Variants in CFAP46 observed in about 807,000 individuals in gnomAD.
The protein encoded by CFAP46 is cilia- and flagella-associated protein 46.
Under a neutral mutation model 325.7 loss-of-function variants are expected in CFAP46, and 245 were observed. The observed-to-expected ratio is 0.75, with a 90% CI of 0.68 to 0.84. CFAP46 has a LOEUF of 0.84. CFAP46 is among the 40% of genes least tolerant of loss of function. The pLI is 0.00. For synonymous variants in CFAP46, 1,523 were observed against 1,495.9 expected (o/e 1.02, Z -0.42); for missense variants, 3,346 against 3,543.0 (o/e 0.94, Z 1.41).
At chr10:132,893,104 A>G (rs189112333) in intron 24 of CFAP46, among the ~76,000 whole-genome samples, 1 of 152,366 alleles carries the variant, frequency 6.6e-6, no homozygotes, top group East Asian at 1.9e-4. Flanking sequence ...ACTGAGAGGC[A>G]AAATGGCGGA....
At chr10:132,839,265 AG>A (rs1848313603) in intron 44 of CFAP46, among the ~76,000 whole-genome samples, 1 of 152,212 alleles carries the variant, frequency 6.6e-6, no homozygotes, top group Non-Finnish European at 1.5e-5. Context: ...CCGTGGCCAC[AG>A]GGGGGTGGCG....
chr10:132,925,842 G>C (rs1051633969), intron 10 of CFAP46, among the ~76,000 whole-genome samples: 2 of 152,168 alleles, frequency 1.3e-5, no homozygotes, highest in Admixed American at 6.5e-5. Context: ...CCCCTGCCAC[G>C]GCACCTCTGG....
In CFAP46 at chr10:132,887,428, CTT is replaced by C. The variant is rs138986724; in HGVS notation, c.3305-1471_3305-1470del. On this transcript the variant is annotated intron_variant, in intron 25 of 57. Coordinates refer to ENST00000368586, the MANE Select transcript of CFAP46 (RefSeq NM_001200049.3). ...TCTCTCCTCTCCTCTCTCCTCCCCT[CTT>C]CTTTCCTCTCCCCTCTTCTCTCTCC... 2.1e-4 allele frequency among the ~76,000 whole-genome samples: 21 copies of C among 97,930 alleles called. 1 individual carries two copies. Among genetic ancestry groups the C allele is most frequent in the African/African-American group, 9.9e-4 (15 of 15,110 alleles). 64.2% of individuals were successfully genotyped at this position (97,930 alleles called of 152,430 possible).
chr10:132,897,821 G>A (rs1052142087), intron 24 of CFAP46, among the ~76,000 whole-genome samples: 26 of 152,362 alleles, frequency 1.7e-4, no homozygotes, highest in Admixed American at 2.6e-4. Context: ...GCAGTCCCCC[G>A]GAGGAGGCCA....
intron 22 of CFAP46, among the ~76,000 whole-genome samples, chr10:132,906,889 C>G (rs533940632): frequency 6.6e-6 from 1 of 151,600 alleles, no homozygotes; most frequent in Admixed American, 6.5e-5. Flanking sequence ...GGTCCTGGCG[C>G]GTGATGCCCC....
intron 50 of CFAP46, among the ~76,000 whole-genome samples, chr10:132,831,113 T>G (rs1848139924): frequency 1.3e-5 from 2 of 152,188 alleles, no homozygotes; most frequent in South Asian, 4.1e-4. Context: ...ATTAAGTTCT[T>G]ATTTAACTCC....
Position 132,899,521 on chromosome 10 carries a change from T to TC in CFAP46, c.3056+13_3056+14insG, listed in dbSNP as rs147677618. On this transcript the variant is annotated intron_variant, in intron 23 of 57. Coordinates refer to ENST00000368586, the MANE Select transcript of CFAP46 (RefSeq NM_001200049.3). ...GAGGGACAGAGCCCACCCCAGCCCC[T>TC]TAGAGCCACACACCTGGCGCTCTCC... 719 of 1,541,756 alleles carry TC rather than the reference T, an allele frequency of 4.7e-4. 5 individuals are homozygous for TC. In the African/African-American group the frequency reaches 9.0e-3, roughly 19 times the overall value.
chr10:132,919,328 CAA>C lies in CFAP46; in HGVS notation c.1843_1844del (p.Leu615GlufsTer11). 6.5e-7 allele frequency: 1 copy of C among 1,550,078 alleles called. No individual in the cohort carries two copies. Among genetic ancestry groups the C allele is most frequent in the Non-Finnish European group, 8.7e-7 (1 of 1,146,828 alleles). On this transcript the variant is annotated frameshift_variant, in exon 15 of 58. Coordinates refer to ENST00000368586, the MANE Select transcript of CFAP46 (RefSeq NM_001200049.3). LOFTEE classifies it high-confidence loss of function. The surrounding 1 kb of genome is among the most constrained non-coding windows in gnomAD (Gnocchi z 9.7). ...LLYDNVKVKKLRLRRGKKKRG... is the reference protein window; with the variant it reads ...LLYDNVKVKKXRLRRGKKKRG... ...GCGGGTACGAACCTCGCCGCAGCCT[CAA>C]CTTCTTCACCTTGACGTTGTCATAC...
At chr10:132,922,329 C>T (rs1428006825) in intron 12 of CFAP46, 105 bp from the exon 13 acceptor site, 5 of 1,476,392 alleles carry the variant, frequency 3.4e-6, no homozygotes, top group East Asian at 2.5e-5. Flanking sequence ...GTGTGGTCCT[C>T]GTGCTCATAG....
intron 44 of CFAP46, among the ~76,000 whole-genome samples, chr10:132,844,109 C>T (rs1317520875): frequency 9.0e-5 from 11 of 121,812 alleles, no homozygotes; most frequent in East Asian, 2.5e-4. Flanking sequence ...GTGGGTGTTC[C>T]CAGGGTGCTG....
chr10:132,903,517 G>A (rs987368106), intron 22 of CFAP46, among the ~76,000 whole-genome samples: 2 of 152,258 alleles, frequency 1.3e-5, no homozygotes, highest in African/African-American at 4.8e-5. Flanking sequence ...CCAGGCTGCA[G>A]CATGTGAAGC....
intron 41 of CFAP46, among the ~76,000 whole-genome samples, chr10:132,849,355 G>A (rs937002153): frequency 4.6e-5 from 7 of 152,250 alleles, no homozygotes; most frequent in Non-Finnish European, 8.8e-5. Context: ...TTTCAGGGCC[G>A]ACCCAGGGCT....
chr10:132,917,625 A>C (rs1209792435), intron 16 of CFAP46, among the ~76,000 whole-genome samples: 5 of 152,224 alleles, frequency 3.3e-5, no homozygotes, highest in Non-Finnish European at 5.9e-5. Context: ...CACCACTCAG[A>C]AATGATTCCC....
rs1401021732 is a variant in CFAP46, at chr10:132,821,929, CTGA to C, written c.7118-7018_7118-7016del. Among the ~76,000 whole-genome samples the C allele has an allele frequency of 4.0e-4, 47 of 118,182 alleles. 1 individual carries two copies. Among genetic ancestry groups the C allele is most frequent in the South Asian group, 6.4e-4 (2 of 3,148 alleles). 77.5% of individuals were successfully genotyped at this position (118,182 alleles called of 152,430 possible). ...AGTGCTGATGTGTGCTGTGTGTGCGCTGATGTGTGCTGTGTGTGCGCTTGTGTG... is the reference window on the plus strand; with the variant it reads ...AGTGCTGATGTGTGCTGTGTGTGCGCTGTGTGCTGTGTGTGCGCTTGTGTG... On this transcript the variant is annotated intron_variant, in intron 50 of 57. Coordinates refer to ENST00000368586, the MANE Select transcript of CFAP46 (RefSeq NM_001200049.3).
At chr10:132,881,121 A>G (rs1849036587) in intron 27 of CFAP46, 89 bp from the exon 28 acceptor site, 1 of 1,265,566 alleles carries the variant, frequency 7.9e-7, no homozygotes, top group Non-Finnish European at 1.1e-6. Context: ...CTCATTTTCT[A>G]CAAGAAAAGC....
At chr10:132,814,513 T>C in intron 53 of CFAP46, 64 bp downstream of exon 53, 1 of 1,541,792 alleles carries the variant, frequency 6.5e-7, no homozygotes, top group African/African-American at 1.4e-5. Flanking sequence ...TGCCCACAAC[T>C]GCAGGACGGC....
At chr10:132,905,035 G>A (rs7074135) in intron 22 of CFAP46, among the ~76,000 whole-genome samples, 3,947 of 152,198 alleles carry the variant, frequency 0.026, 109 homozygotes, top group African/African-American at 0.07. Flanking sequence ...TCACCTTCCC[G>A]GTGAGGACCA....
Position 132,866,139 on chromosome 10 carries a change from G to T in CFAP46, c.4776C>A (p.Asp1592Glu). Reference sequence around the variant, plus strand: ...GGTGGGGAAAGGACGTCCCATCCAGGTCCCTCCCGGTCTCCCCATTCATCT... The same window carrying T: ...GGTGGGGAAAGGACGTCCCATCCAGTTCCCTCCCGGTCTCCCCATTCATCT... ...ILKMNGETGR[D>E]LDGTSFPHLW... is the part of the protein sequence containing the mutation. The change falls in exon 35 of 58, where the codon GAC (aspartate) becomes GAA (glutamate). Residue 1592 changes from aspartate (D) to glutamate (E), a missense_variant. Asp to Glu is a conservative substitution (Grantham distance 45). Transcript: ENST00000368586. The T allele has an allele frequency of 3.3e-6, 5 of 1,537,112 alleles. No individual in the cohort carries two copies. The highest frequency in any genetic ancestry group is 3.5e-6 in the Non-Finnish European group (4 of 1,141,246).
chr10:132,859,926 A>G lies in CFAP46; in HGVS notation c.5198+491T>C, dbSNP rs187664126. Among the ~76,000 whole-genome samples, 1,406 of 152,316 alleles carry G rather than the reference A, an allele frequency of 9.2e-3. 12 individuals are homozygous for G. Among genetic ancestry groups the G allele is most frequent in the South Asian group, 0.043 (208 of 4,830 alleles). ...AAAAATTAGCCGGGCATGGTGGCACATGCCTGTAATCCCAGCAACTCGGGA... is the reference window on the plus strand; with the variant it reads ...AAAAATTAGCCGGGCATGGTGGCACGTGCCTGTAATCCCAGCAACTCGGGA... On this transcript the variant is annotated intron_variant, in intron 37 of 57. Coordinates refer to ENST00000368586, the MANE Select transcript of CFAP46 (RefSeq NM_001200049.3).
Sources: allele counts gnomAD v4.1 joint callset (sites outside exome capture counted in the v4.1 genomes callset), GRCh38; gene constraint gnomAD v4.1.1; non-coding constraint Gnocchi (gnomAD v3.1); transcripts MANE v1.5; gene names NCBI Gene and HGNC (gene_info 2026-07-23, HGNC 2026-07-21).